The following SPATA9 variants were observed in gnomAD, a reference collection of about 807,000 sequenced individuals.
SPATA9 encodes spermatogenesis-associated protein 9.
A neutral mutation model predicts 25.5 loss-of-function variants in SPATA9; 27 were observed. That is an observed-to-expected ratio of 1.06 (90% CI 0.78 to 1.46). The LOEUF (loss-of-function observed/expected upper bound fraction) is 1.46. Ranked by LOEUF, SPATA9 falls within the 40% of genes most tolerant of loss-of-function variation. The probability of loss-of-function intolerance (pLI) is 0.00; values close to 1 mark genes in which losing one functional copy is unlikely to be tolerated. For synonymous variants in SPATA9, 102 were observed against 105.7 expected, an observed-to-expected ratio of 0.97 and a Z score of 0.21; for missense variants, 282 against 297.5, an observed-to-expected ratio of 0.95 and a Z score of 0.38.
At position 95,675,476 on chromosome 5, in the gene SPATA9, C is replaced by T; in HGVS notation, c.314G>A (p.Arg105Lys). The change falls in exon 3 of 5, where the codon AGG becomes AAG. Residue 105 changes from arginine to lysine, a missense_variant. By Grantham distance (26) the Arg-to-Lys change is conservative (BLOSUM62 2). Transcript: ENST00000274432. ...PQLACRLLEL[R>K]DISGRLLREV... Reference sequence around the variant, plus strand: ...CCTCAGCAGACGACCAGATATGTCCCTTAGCTCTAAAAGTCTGCATGCAAG... The same window carrying T: ...CCTCAGCAGACGACCAGATATGTCCTTTAGCTCTAAAAGTCTGCATGCAAG... 6.2e-7 allele frequency: 1 copy of T among 1,614,156 alleles called. No homozygotes were observed.
upstream of SPATA9, among the ~76,000 whole-genome samples, chr5:95,700,603 T>G (rs200721205): frequency 8.5e-6 from 1 of 117,790 alleles, no homozygotes; most frequent in East Asian, 9.5e-4. Flanking sequence ...TGGCCAAAAA[T>G]TTTTTTTAGA....
chr5:95,706,677 A>G, the SPATA9 span, among the ~76,000 whole-genome samples: 1 of 151,206 alleles, frequency 6.6e-6, no homozygotes, highest in Admixed American at 6.6e-5. Context: ...CATTCCTTTC[A>G]TCATTTAAGT....
the SPATA9 span, among the ~76,000 whole-genome samples, chr5:95,716,515 T>G: frequency 1.3e-5 from 2 of 152,266 alleles, no homozygotes; most frequent in Non-Finnish European, 1.5e-5. Context: ...GTACCCCCAT[T>G]GTATCTAGAA....
chr5:95,704,437 T>G, the SPATA9 span, among the ~76,000 whole-genome samples: 1 of 152,146 alleles, frequency 6.6e-6, no homozygotes, highest in African/African-American at 2.4e-5. Context: ...TATGAAATAG[T>G]TGATAGGAGG....
the SPATA9 span, among the ~76,000 whole-genome samples, chr5:95,717,336 T>G: frequency 6.6e-6 from 1 of 152,344 alleles, no homozygotes; most frequent in East Asian, 1.9e-4. Flanking sequence ...CACAATTGCA[T>G]GAGCCAATTC....
chr5:95,682,678 G>T (rs34895), intron 1 of SPATA9, 62 bp from the exon 2 acceptor site: 590,549 of 1,524,470 alleles, frequency 0.39, 118,080 homozygotes, highest in Non-Finnish European at 0.41. Context: ...TGTTTCAAAA[G>T]AACATGAAAC....
the SPATA9 span, among the ~76,000 whole-genome samples, chr5:95,724,332 T>A: frequency 1.3e-5 from 2 of 152,262 alleles, no homozygotes; most frequent in African/African-American, 4.8e-5. Flanking sequence ...ATGTTACTCA[T>A]CTGTTTCTGA....
intron 4 of SPATA9, 100 bp downstream of exon 4, chr5:95,663,853 G>T: frequency 1.7e-6 from 1 of 583,056 alleles, no homozygotes. Context: ...ACTGTGAATG[G>T]TAACATTAAA....
intron 2 of SPATA9, among the ~76,000 whole-genome samples, 180 bp from the exon 3 acceptor site, chr5:95,675,819 C>CTATTTT (rs1752881114): frequency 9.3e-6 from 1 of 108,028 alleles, no homozygotes; most frequent in African/African-American, 3.7e-5. Flanking sequence ...GTACTTAAAC[C>CTATTTT]TTTTTTTTTT....
the SPATA9 span, among the ~76,000 whole-genome samples, chr5:95,720,688 T>C: frequency 2.6e-5 from 4 of 152,174 alleles, no homozygotes; most frequent in African/African-American, 7.2e-5. Flanking sequence ...TCTTATGTTA[T>C]ACCAGGGCTT....
At chr5:95,731,176 C>T in the SPATA9 span, 3 of 1,006,668 alleles carry the variant, frequency 3.0e-6, no homozygotes, top group South Asian at 1.2e-4. Context: ...GTCCAGCCGC[C>T]GCCACCGGAG....
At chr5:95,667,974 T>A (rs1751981703) in intron 3 of SPATA9, among the ~76,000 whole-genome samples, 1 of 152,198 alleles carries the variant, frequency 6.6e-6, no homozygotes, top group African/African-American at 2.4e-5. Flanking sequence ...AGTGCTGGTT[T>A]CCCCTTTGCC....
chr5:95,667,315 T>TG (rs959675589), intron 3 of SPATA9, among the ~76,000 whole-genome samples: 6 of 14,208 alleles, frequency 4.2e-4, no homozygotes, highest in African/African-American at 1.2e-3. Context: ...TAGCTAAGAG[T>TG]GGGGGGGTGG....
the SPATA9 span, among the ~76,000 whole-genome samples, chr5:95,707,610 C>T: frequency 0.014 from 2,199 of 152,178 alleles, 50 homozygotes; most frequent in African/African-American, 0.048. Flanking sequence ...GTGATAGACC[C>T]GGGGCTTTGG....
intron 3 of SPATA9, among the ~76,000 whole-genome samples, chr5:95,668,917 C>T (rs373642751): frequency 1.3e-5 from 2 of 152,138 alleles, no homozygotes; most frequent in Non-Finnish European, 2.9e-5. Flanking sequence ...TTGTCCAAAA[C>T]CACCCTGACG....
chr5:95,660,207 A>G (rs1023986262), intron 4 of SPATA9, among the ~76,000 whole-genome samples: 1 of 152,044 alleles, frequency 6.6e-6, no homozygotes. Flanking sequence ...CATAGATGGT[A>G]CCTTCTATCT....
chr5:95,668,550 ATGATCT>A (rs1752045843), intron 3 of SPATA9, among the ~76,000 whole-genome samples: 1 of 152,206 alleles, frequency 6.6e-6, no homozygotes, highest in African/African-American at 2.4e-5. Context: ...CAGTCTTTAG[ATGATCT>A]TGGCCTATTT....
chr5:95,729,949 G>A, the SPATA9 span, among the ~76,000 whole-genome samples: 2 of 151,942 alleles, frequency 1.3e-5, no homozygotes, highest in East Asian at 1.9e-4. Context: ...ATGGGTTTCC[G>A]GAAAAGACTG....
chr5:95,672,434 T>G (rs1235794687), intron 3 of SPATA9, among the ~76,000 whole-genome samples: 1 of 150,208 alleles, frequency 6.7e-6, no homozygotes, highest in African/African-American at 2.4e-5. Flanking sequence ...AGGGACAGTT[T>G]CACCACCAAG....
Sources: gnomAD v4.1 joint callset for allele counts (sites outside exome capture counted in the v4.1 genomes callset) on GRCh38, gnomAD v4.1.1 for gene constraint, MANE v1.5 for transcripts, NCBI Gene and HGNC (gene_info 2026-07-23, HGNC 2026-07-21) for gene names.